CTNND2: variants seen among roughly 807,000 people sequenced by gnomAD.
The protein encoded by CTNND2 is catenin delta 2.
Under a neutral mutation model 144.4 loss-of-function variants are expected in CTNND2, and 22 were observed. That is an observed-to-expected ratio of 0.15 (90% CI 0.11 to 0.22). The LOEUF is 0.22. CTNND2 is among the 10% of genes least tolerant of loss of function. The pLI, the probability that CTNND2 is intolerant of heterozygous loss-of-function variation, is 1.00. For synonymous variants in CTNND2, 751 were observed against 695.6 expected, an observed-to-expected ratio of 1.08 and a Z score of -1.25; for missense variants, 1,353 against 1,618.8, an observed-to-expected ratio of 0.84 and a Z score of 2.82.
Position 10,973,331 on chromosome 5 carries a change from C to T in CTNND2, c.*122G>A, listed in dbSNP as rs1292768156. ...CTTAATATTTCCTTACTGGTTATCA[C>T]AGCCTTCCTATGGAACAGGCTTTAA... On this transcript the variant is annotated 3_prime_UTR_variant, in exon 22 of 22. Coordinates refer to ENST00000304623, the MANE Select transcript of CTNND2 (RefSeq NM_001332.4). The surrounding 1 kb of genome is among the most constrained non-coding windows in gnomAD (Gnocchi z 5.6). 1.2e-5 allele frequency: 13 copies of T among 1,049,898 alleles called. No individual in the cohort carries two copies. The Admixed American group carries it at 4.3e-4, about 35-fold the overall frequency. 65.0% of individuals were successfully genotyped at this position (1,049,898 alleles called of 1,614,324 possible).
chr5:10,993,263 G>A (rs566147192), intron 18 of CTNND2, among the ~76,000 whole-genome samples: 16 of 152,186 alleles, frequency 1.1e-4, no homozygotes, highest in Non-Finnish European at 2.1e-4. Context: ...CCAAGCCTCC[G>A]TTAGGCTTCT....
intron 3 of CTNND2, among the ~76,000 whole-genome samples, chr5:11,505,331 GAA>G (rs1770924309): frequency 2.6e-5 from 4 of 152,244 alleles, no homozygotes; most frequent in African/African-American, 9.6e-5. Context: ...GCCTAGGAGA[GAA>G]GTTGAGAAAA....
chr5:11,879,056 T>C (rs898703266), intron 1 of CTNND2, among the ~76,000 whole-genome samples: 5 of 151,952 alleles, frequency 3.3e-5, no homozygotes, highest in East Asian at 1.9e-4. Flanking sequence ...GTGGTTACCA[T>C]GGAGACAGTA....
At chr5:11,599,105 T>C (rs1779658800) in intron 2 of CTNND2, among the ~76,000 whole-genome samples, 2 of 152,136 alleles carry the variant, frequency 1.3e-5, no homozygotes, top group Admixed American at 6.6e-5. Flanking sequence ...GAGATGGTGC[T>C]AAGGCATTTG....
At chr5:11,237,737 T>C (rs895044664) in intron 9 of CTNND2, among the ~76,000 whole-genome samples, 1 of 152,200 alleles carries the variant, frequency 6.6e-6, no homozygotes, top group Non-Finnish European at 1.5e-5. Context: ...GGCACAGGAT[T>C]AAGCTAAATT....
chr5:11,061,100 G>T (rs1281971179), intron 16 of CTNND2, among the ~76,000 whole-genome samples: 1 of 151,978 alleles, frequency 6.6e-6, no homozygotes. Flanking sequence ...CAAAATCAAA[G>T]TTGTGATCTA....
intron 12 of CTNND2, among the ~76,000 whole-genome samples, chr5:11,147,292 C>T (rs372856497): frequency 3.3e-5 from 5 of 151,984 alleles, no homozygotes; most frequent in African/African-American, 9.7e-5. Context: ...TAGAGAAGGC[C>T]GAATATATAC....
At chr5:11,598,431 A>C (rs951296214) in intron 2 of CTNND2, among the ~76,000 whole-genome samples, 1 of 152,144 alleles carries the variant, frequency 6.6e-6, no homozygotes, top group Non-Finnish European at 1.5e-5. Context: ...AATCCCACTA[A>C]GCGATTCTTT....
intron 1 of CTNND2, among the ~76,000 whole-genome samples, chr5:11,864,531 T>C (rs1795650655): frequency 6.6e-6 from 1 of 152,138 alleles, no homozygotes; most frequent in South Asian, 2.1e-4. Flanking sequence ...CCTGGCTGAC[T>C]CTCCAGCAGA....
At chr5:11,019,507 A>T (rs1199035708) in intron 17 of CTNND2, among the ~76,000 whole-genome samples, 1 of 152,256 alleles carries the variant, frequency 6.6e-6, no homozygotes, top group Non-Finnish European at 1.5e-5. Context: ...CAAAACCAAA[A>T]GAGACTGTGA....
intron 3 of CTNND2, among the ~76,000 whole-genome samples, chr5:11,507,742 GT>G (rs1231463290): frequency 1.3e-5 from 2 of 152,228 alleles, no homozygotes; most frequent in African/African-American, 2.4e-5. Context: ...TGGAGGACAA[GT>G]GGCTGTGAAC....
chr5:11,068,465 G>T (rs540831417), intron 16 of CTNND2, among the ~76,000 whole-genome samples: 1 of 152,008 alleles, frequency 6.6e-6, no homozygotes, highest in Non-Finnish European at 1.5e-5. Flanking sequence ...GAGAGTAGAG[G>T]GTAAGTAGGT....
At chr5:11,639,720 C>G (rs559875359) in intron 2 of CTNND2, among the ~76,000 whole-genome samples, 2 of 152,234 alleles carry the variant, frequency 1.3e-5, no homozygotes, top group East Asian at 3.9e-4. Flanking sequence ...AATTATATAA[C>G]TCTAGAATCT....
chr5:11,069,225 G>A (rs1474491114), intron 16 of CTNND2, among the ~76,000 whole-genome samples: 2 of 152,186 alleles, frequency 1.3e-5, no homozygotes, highest in African/African-American at 4.8e-5. Flanking sequence ...TGAACTTATG[G>A]TGTTGTACAC....
intron 3 of CTNND2, among the ~76,000 whole-genome samples, chr5:11,504,737 C>T (rs1770857664): frequency 6.6e-6 from 1 of 152,184 alleles, no homozygotes; most frequent in Non-Finnish European, 1.5e-5. Context: ...CCTTGAGAGG[C>T]TCCACAGGGA....
At chr5:11,571,065 A>C (rs1777511488) in intron 2 of CTNND2, among the ~76,000 whole-genome samples, 1 of 152,026 alleles carries the variant, frequency 6.6e-6, no homozygotes, top group Non-Finnish European at 1.5e-5. Context: ...TATTCTCTGA[A>C]TATTTCTTTT....
At chr5:11,108,483 T>C (rs1452314938) in intron 14 of CTNND2, among the ~76,000 whole-genome samples, 2 of 152,170 alleles carry the variant, frequency 1.3e-5, no homozygotes, top group Non-Finnish European at 1.5e-5. Context: ...ATATTTACTG[T>C]TAAATTGACT....
intron 10 of CTNND2, among the ~76,000 whole-genome samples, chr5:11,222,101 T>C (rs979954725): frequency 4.6e-5 from 7 of 152,142 alleles, no homozygotes; most frequent in Admixed American, 3.3e-4. Context: ...TGGACTGACA[T>C]TCACACAGGT....
Position 10,973,467 on chromosome 5 carries a change from C to T in CTNND2, c.3664G>A (p.Asp1222Asn). Residue 1222 changes from aspartate to asparagine, a missense_variant, in exon 22 of 22, where the codon GAC becomes AAC. Physicochemically the swap from Asp to Asn is conservative, Grantham distance 23. Around this residue, in one of 4 missense-constraint regions of CTNND2, gnomAD observed 459 missense variants for 674.3 expected, o/e 0.68. Coordinates refer to ENST00000304623, the MANE Select transcript of CTNND2 (RefSeq NM_001332.4). This position sits in a 1 kb window ranked among gnomAD's most constrained non-coding sequence, Gnocchi z 5.6. ...YETSHYPASP[D>N]SWV ...TGCCCTGCTCCTCACACCCAGGAGT[C>T]GGGGGAGGCCGGGTAGTGGCTCGTT... The T allele has an allele frequency of 4.4e-6, 7 of 1,594,806 alleles. No homozygotes were observed. Among genetic ancestry groups the T allele is most frequent in the East Asian group, 2.2e-5 (1 of 44,584 alleles).
Sources: gnomAD v4.1 joint callset for allele counts (sites outside exome capture counted in the v4.1 genomes callset) on GRCh38, gnomAD v4.1.1 for gene constraint, gnomAD v4.1.1 regional missense constraint, Gnocchi (gnomAD v3.1) non-coding constraint, MANE v1.5 for transcripts, NCBI Gene and HGNC (gene_info 2026-07-23, HGNC 2026-07-21) for gene names.